The following PAQR5 variants were observed in gnomAD, a reference collection of about 807,000 sequenced individuals.
PAQR5 encodes membrane progestin receptor gamma.
PAQR5 carries 20 observed loss-of-function variants against 34.5 expected under a neutral mutation model. That is an observed-to-expected ratio of 0.58 (90% CI 0.41 to 0.84). PAQR5 has a LOEUF of 0.84. Ranked by LOEUF, PAQR5 falls within the 40% of genes least tolerant of loss-of-function variation. The pLI is 0.00. For synonymous variants in PAQR5, 131 were observed against 155.6 expected, an observed-to-expected ratio of 0.84 and a Z score of 1.18; for missense variants, 378 against 412.7, an observed-to-expected ratio of 0.92 and a Z score of 0.73.
intron 3 of PAQR5, among the ~76,000 whole-genome samples, chr15:69,365,782 A>G (rs1309585078): frequency 1.3e-5 from 2 of 152,144 alleles, no homozygotes; most frequent in African/African-American, 2.4e-5. Flanking sequence ...TAGTTGGTAG[A>G]ATTTGTCTGT....
intron 7 of PAQR5, 97 bp downstream of exon 7, chr15:69,397,661 C>T: frequency 1.2e-6 from 1 of 843,570 alleles, no homozygotes; most frequent in Non-Finnish European, 2.1e-6. Context: ...GCAATGGGAA[C>T]CGCAGAACAA....
chr15:69,306,692 C>T (rs1034076889), intron 1 of PAQR5, among the ~76,000 whole-genome samples: 4 of 152,052 alleles, frequency 2.6e-5, no homozygotes, highest in Non-Finnish European at 5.9e-5. Flanking sequence ...TGTGAGCCAC[C>T]GCCCCCCGCC....
At chr15:69,390,512 G>A (rs532879611) in intron 6 of PAQR5, among the ~76,000 whole-genome samples, 10 of 151,864 alleles carry the variant, frequency 6.6e-5, no homozygotes, top group Non-Finnish European at 1.3e-4. Flanking sequence ...TCTTTGATTC[G>A]GTACAAGGCT....
chr15:69,382,298 G>T (rs1459752643), intron 4 of PAQR5, among the ~76,000 whole-genome samples: 2 of 152,068 alleles, frequency 1.3e-5, no homozygotes, highest in East Asian at 1.9e-4. Flanking sequence ...GGAACCGGGA[G>T]TATTTAATGT....
intron 2 of PAQR5, among the ~76,000 whole-genome samples, chr15:69,347,234 A>G (rs2054798403): frequency 6.6e-6 from 1 of 152,090 alleles, no homozygotes; most frequent in African/African-American, 2.4e-5. Flanking sequence ...GACACAAGAA[A>G]TCTCCCACTT....
Position 69,302,160 on chromosome 15 carries a change from C to T in PAQR5, c.-277+3104C>T, listed in dbSNP as rs182674699. The stretch of plus-strand genomic sequence containing the variant: ...GATCTCAGCTCACTGCAACCTCCGC[C>T]TCCCGGTCTCGAGCTATCTTCCTCA... On this transcript the variant is annotated intron_variant, in intron 1 of 8. Transcript: ENST00000395407. Among the ~76,000 whole-genome samples the T allele has an allele frequency of 3.7e-3, 562 of 152,176 alleles. 9 individuals are homozygous for T. The highest frequency in any genetic ancestry group is 0.013 in the African/African-American group (522 of 41,502).
chr15:69,327,147 G>A (rs936500459), intron 1 of PAQR5, among the ~76,000 whole-genome samples: 1 of 148,688 alleles, frequency 6.7e-6, no homozygotes. Context: ...ACCACACTTG[G>A]CTAATTTCTT....
intron 1 of PAQR5, among the ~76,000 whole-genome samples, chr15:69,336,736 AAG>A (rs1205662152): frequency 6.6e-6 from 1 of 152,226 alleles, no homozygotes; most frequent in East Asian, 1.9e-4. Flanking sequence ...TTTCAAAAGA[AAG>A]AGAGAATGGT....
At chr15:69,328,430 C>CT (rs1208349244) in intron 1 of PAQR5, among the ~76,000 whole-genome samples, 1 of 152,204 alleles carries the variant, frequency 6.6e-6, no homozygotes, top group Non-Finnish European at 1.5e-5. Flanking sequence ...TGGTCTCAGC[C>CT]ATTTCCCTAC....
intron 2 of PAQR5, among the ~76,000 whole-genome samples, chr15:69,359,642 T>C (rs1229754968): frequency 6.6e-6 from 1 of 152,172 alleles, no homozygotes; most frequent in Admixed American, 6.5e-5. Context: ...AATCTTTAAC[T>C]ACCAGGCCCA....
intron 3 of PAQR5, among the ~76,000 whole-genome samples, chr15:69,363,527 T>C (rs2055297776): frequency 6.8e-6 from 1 of 146,626 alleles, no homozygotes; most frequent in South Asian, 2.1e-4. Context: ...AGTGTCAAAT[T>C]GCTAATCTGT....
chr15:69,381,040 G>A (rs1387533657), intron 4 of PAQR5, among the ~76,000 whole-genome samples: 1 of 152,242 alleles, frequency 6.6e-6, no homozygotes, highest in Non-Finnish European at 1.5e-5. Context: ...AGAGGGGAGA[G>A]AGCTCAGTCT....
At chr15:69,337,872 C>G (rs1467980552) in intron 2 of PAQR5, among the ~76,000 whole-genome samples, 1 of 151,984 alleles carries the variant, frequency 6.6e-6, no homozygotes, top group Admixed American at 6.6e-5. Context: ...GTTGGGAGTT[C>G]AAGACCAGCC....
At chr15:69,303,282 A>G (rs2053644176) in intron 1 of PAQR5, among the ~76,000 whole-genome samples, 1 of 152,020 alleles carries the variant, frequency 6.6e-6, no homozygotes, top group Non-Finnish European at 1.5e-5. Flanking sequence ...ACTTTGAATT[A>G]CCTTGGTTGC....
chr15:69,332,768 TC>T (rs1428093589), intron 1 of PAQR5, among the ~76,000 whole-genome samples: 1 of 67,520 alleles, frequency 1.5e-5, no homozygotes, highest in African/African-American at 6.4e-5. Context: ...TGGGGGAGAT[TC>T]TAAATCTTGT....
At chr15:69,349,750 T>C (rs2054864270) in intron 2 of PAQR5, among the ~76,000 whole-genome samples, 1 of 151,988 alleles carries the variant, frequency 6.6e-6, no homozygotes, top group South Asian at 2.1e-4. Flanking sequence ...CAAGCCATTC[T>C]CCTGCCTCAG....
intron 3 of PAQR5, among the ~76,000 whole-genome samples, chr15:69,374,128 C>A (rs895782476): frequency 6.6e-6 from 1 of 152,154 alleles, no homozygotes; most frequent in Non-Finnish European, 1.5e-5. Context: ...TTTTAAAAAA[C>A]ATCACAGCAA....
intron 2 of PAQR5, among the ~76,000 whole-genome samples, chr15:69,359,536 A>G (rs2055177586): frequency 6.6e-6 from 1 of 152,074 alleles, no homozygotes; most frequent in Non-Finnish European, 1.5e-5. Context: ...ATGCACTGGT[A>G]ATTAGATGGG....
intron 1 of PAQR5, among the ~76,000 whole-genome samples, chr15:69,320,840 A>G (rs1291101121): frequency 6.6e-6 from 1 of 152,246 alleles, no homozygotes; most frequent in Admixed American, 6.5e-5. Context: ...TGGCAATATC[A>G]TTATGTCACA....
Sources: allele counts gnomAD v4.1 joint callset (sites outside exome capture counted in the v4.1 genomes callset), GRCh38; gene constraint gnomAD v4.1.1; transcripts MANE v1.5; gene names NCBI Gene and HGNC (gene_info 2026-07-23, HGNC 2026-07-21).